CNTNAP3B: variants seen among roughly 807,000 people sequenced by gnomAD.
The protein encoded by CNTNAP3B is contactin-associated protein-like 3B.
CNTNAP3B carries 25 observed loss-of-function variants against 108.9 expected under a neutral mutation model. The observed-to-expected ratio is 0.23, with a 90% CI of 0.17 to 0.32. CNTNAP3B has a LOEUF of 0.32. Ranked by LOEUF, CNTNAP3B falls within the 10% of genes least tolerant of loss-of-function variation. The pLI, the probability that CNTNAP3B is intolerant of heterozygous loss-of-function variation, is 1.00. For synonymous variants in CNTNAP3B, 103 were observed against 473.4 expected (o/e 0.22, Z 10.16); for missense variants, 252 against 1,210.4 (o/e 0.21, Z 11.75).
chr9:42,063,964 TC>T (rs1827220100), intron 3 of CNTNAP3B, among the ~76,000 whole-genome samples: 1 of 147,556 alleles, frequency 6.8e-6, no homozygotes, highest in Non-Finnish European at 1.5e-5. Context: ...TAAGTTTTGT[TC>T]TTTTGATGCT....
intron 1 of CNTNAP3B, among the ~76,000 whole-genome samples, chr9:42,126,638 C>A: frequency 7.4e-6 from 1 of 134,518 alleles, no homozygotes; most frequent in African/African-American, 3.0e-5. Context: ...GGTGGGATCT[C>A]GGCTCACTGC....
chr9:42,127,236 A>G lies in CNTNAP3B; in HGVS notation c.85+1774T>C, dbSNP rs112010106. On this transcript the variant is annotated intron_variant, in intron 1 of 23. Coordinates refer to ENST00000377561, the MANE Select transcript of CNTNAP3B (RefSeq NM_001201380.3). ...CTCGCGAGAGTCCCGTCTGGTGCTG[A>G]GTCCGTTTGGAATATCTGTCCCTGC... 2.2e-5 allele frequency among the ~76,000 whole-genome samples: 3 copies of G among 138,986 alleles called. 1 individual carries two copies. The highest frequency in any genetic ancestry group is 8.6e-5 in the African/African-American group (3 of 34,938). The allele number at this position is 138,986 out of a possible 152,430, so 91.2% of individuals were successfully genotyped here. A position where few individuals can be genotyped will look rare whatever the true frequency, so the allele number is the denominator to read the frequency against.
intron 12 of CNTNAP3B, among the ~76,000 whole-genome samples, chr9:41,958,744 A>G (rs1228965156): frequency 6.6e-6 from 1 of 152,148 alleles, no homozygotes; most frequent in African/African-American, 2.4e-5. Flanking sequence ...ACAAAACACC[A>G]GTAGCTTAGG....
chr9:41,969,139 T>G (rs1362761897), intron 10 of CNTNAP3B, among the ~76,000 whole-genome samples: 1 of 152,206 alleles, frequency 6.6e-6, no homozygotes, highest in Non-Finnish European at 1.5e-5. Flanking sequence ...ATTTATTTAT[T>G]CACTGAAAGT....
intron 1 of CNTNAP3B, among the ~76,000 whole-genome samples, chr9:42,118,254 G>T (rs1828369099): frequency 7.2e-6 from 1 of 139,470 alleles, no homozygotes; most frequent in Non-Finnish European, 1.5e-5. Context: ...TATCCTTGAT[G>T]AACATTGATG....
At position 41,950,328 on chromosome 9, in the gene CNTNAP3B, T is replaced by A. The variant is rs201130591; in HGVS notation, c.2080+2855A>T. Among the ~76,000 whole-genome samples the A allele has an allele frequency of 0.017, 2,108 of 122,166 alleles. 30 individuals are homozygous for A. In the East Asian group the frequency reaches 0.19, roughly 11 times the overall value. 80.1% of individuals were successfully genotyped at this position (122,166 alleles called of 152,430 possible). Reference sequence around the variant, plus strand: ...CCATTCTAGAAAACAATTTGGCAGCTTTTTATAAAACTAAGTATGCAATTA... The same window carrying A: ...CCATTCTAGAAAACAATTTGGCAGCATTTTATAAAACTAAGTATGCAATTA... On this transcript the variant is annotated intron_variant, in intron 13 of 23. Transcript: ENST00000377561.
intron 18 of CNTNAP3B, among the ~76,000 whole-genome samples, chr9:41,916,098 A>G: frequency 6.8e-6 from 1 of 146,674 alleles, no homozygotes; most frequent in Middle Eastern, 3.5e-3. Flanking sequence ...AAGAAACAAG[A>G]TCAAATAAAT....
At chr9:41,968,136 C>T (rs1825336824) in intron 10 of CNTNAP3B, among the ~76,000 whole-genome samples, 1 of 152,052 alleles carries the variant, frequency 6.6e-6, no homozygotes, top group Non-Finnish European at 1.5e-5. Flanking sequence ...AAAGAGGCAG[C>T]CTCACAATAT....
chr9:42,079,768 C>A (rs544321138), intron 2 of CNTNAP3B, among the ~76,000 whole-genome samples: 1 of 138,438 alleles, frequency 7.2e-6, no homozygotes, highest in Non-Finnish European at 1.5e-5. Flanking sequence ...GATTTGCCCA[C>A]CTCAGCCTCC....
intron 10 of CNTNAP3B, among the ~76,000 whole-genome samples, chr9:41,965,732 G>T (rs1281773511): frequency 7.9e-5 from 12 of 152,152 alleles, no homozygotes. Flanking sequence ...ACAGAAGAGG[G>T]GCTGGGAGGT....
rs541447989 is a variant in CNTNAP3B at position 42,043,040 on chromosome 9, T to C, written c.391-29515A>G. 1.9e-4 allele frequency among the ~76,000 whole-genome samples: 28 copies of C among 149,774 alleles called. 2 individuals carry two copies. Among genetic ancestry groups the C allele is most frequent in the African/African-American group, 7.0e-4 (28 of 39,956 alleles). ...CTTATGTTTTTGAGCACTTCCCACA[T>C]ACTTCCTTAAGCCCTTTGCTCAGAG... On this transcript the variant is annotated intron_variant, in intron 3 of 23. Transcript: ENST00000377561.
intron 3 of CNTNAP3B, among the ~76,000 whole-genome samples, chr9:42,017,301 T>C (rs1002766397): frequency 7.5e-6 from 1 of 132,924 alleles, no homozygotes; most frequent in Non-Finnish European, 1.6e-5. Flanking sequence ...CATGGATAGT[T>C]GTGGTTGAGT....
intron 12 of CNTNAP3B, chr9:41,960,277 C>T (rs1356818980): frequency 3.8e-4 from 64 of 169,206 alleles, no homozygotes; most frequent in East Asian, 5.4e-4. Context: ...AGATTACAGG[C>T]GTGAGCCACC....
intron 15 of CNTNAP3B, among the ~76,000 whole-genome samples, chr9:41,926,091 T>C (rs1407382537): frequency 1.3e-5 from 2 of 152,290 alleles, no homozygotes; most frequent in Non-Finnish European, 2.9e-5. Flanking sequence ...TTATCTATTA[T>C]GTATATTAAA....
At chr9:41,982,139 C>T (rs62556365) in intron 9 of CNTNAP3B, among the ~76,000 whole-genome samples, 10,433 of 44,564 alleles carry the variant, frequency 0.23, 3 homozygotes, top group Non-Finnish European at 0.28. Context: ...ATAGGAAATG[C>T]CATTTTGGAC....
chr9:42,117,721 A>G (rs1230612874), intron 1 of CNTNAP3B, among the ~76,000 whole-genome samples: 2 of 136,452 alleles, frequency 1.5e-5, no homozygotes, highest in Non-Finnish European at 3.1e-5. Flanking sequence ...CCCTTCAAAA[A>G]ATCAATGAAT....
chr9:41,933,246 A>C, intron 14 of CNTNAP3B, among the ~76,000 whole-genome samples: 1 of 152,280 alleles, frequency 6.6e-6, no homozygotes, highest in East Asian at 1.9e-4. Flanking sequence ...TGTCCTGTGC[A>C]CTGTAGGATG....
intron 3 of CNTNAP3B, among the ~76,000 whole-genome samples, chr9:42,024,658 T>A: frequency 9.8e-6 from 1 of 101,696 alleles, no homozygotes; most frequent in Non-Finnish European, 2.0e-5. Flanking sequence ...AATACATGGC[T>A]CCAGGGTTCA....
At position 41,941,618 on chromosome 9, in the gene CNTNAP3B, C is replaced by G. The variant is rs1479823442; in HGVS notation, c.2081-3218G>C. 4.8e-5 allele frequency among the ~76,000 whole-genome samples: 6 copies of G among 126,242 alleles called. No homozygotes were observed. In the East Asian group the frequency reaches 1.3e-3, roughly 28 times the overall value. 82.8% of individuals were successfully genotyped at this position (126,242 alleles called of 152,430 possible). On this transcript the variant is annotated intron_variant, in intron 13 of 23. Coordinates refer to ENST00000377561, the MANE Select transcript of CNTNAP3B (RefSeq NM_001201380.3). ...TTCTCACAACAAGAAAAAAGCTGCA[C>G]TAACTAAAAATAAACAGTTCTTCTT...
Sources: gnomAD v4.1 joint callset for allele counts (sites outside exome capture counted in the v4.1 genomes callset) on GRCh38, gnomAD v4.1.1 for gene constraint, MANE v1.5 for transcripts, NCBI Gene and HGNC (gene_info 2026-07-23, HGNC 2026-07-21) for gene names.